FANCA: variants seen among roughly 807,000 people sequenced by gnomAD.
FANCA encodes Fanconi anemia group A protein.
FANCA carries 236 observed loss-of-function variants against 194.3 expected under a neutral mutation model. The ratio of observed to expected loss-of-function variants is 1.21; its 90% confidence interval spans 1.09 to 1.35. FANCA has a LOEUF of 1.35. Ranked by LOEUF, FANCA falls within the 40% of genes most tolerant of loss-of-function variation. The pLI is 0.00. For missense variants in FANCA, 2,628 were observed against 1,813.9 expected (o/e 1.45, Z -8.15); for synonymous variants, 1,014 against 715.8 (o/e 1.42, Z -6.65).
chr16:89,748,333 G>A (rs2038462080), intron 33 of FANCA, among the ~76,000 whole-genome samples: 1 of 152,220 alleles, frequency 6.6e-6, no homozygotes, highest in Non-Finnish European at 1.5e-5. Flanking sequence ...AGCATGTTGA[G>A]ATTAGAAATA....
Position 89,792,069 on chromosome 16 carries a change from C to G in FANCA, c.1084-1G>C, listed in dbSNP as rs2040094761. 1.2e-6 allele frequency: 2 copies of G among 1,614,094 alleles called. No individual in the cohort carries two copies. The highest frequency in any genetic ancestry group is 1.3e-5 in the African/African-American group (1 of 74,934). On this transcript the variant is annotated splice_acceptor_variant, in intron 12 of 42. Transcript: ENST00000389301. LOFTEE classifies it high-confidence loss of function. ...CCTCTGCACTCAGCATCACAAAGAGCTGAAATAAAAGCATCCGCTCCCTTC... is the reference window on the plus strand; with the variant it reads ...CCTCTGCACTCAGCATCACAAAGAGGTGAAATAAAAGCATCCGCTCCCTTC...
intron 23 of FANCA, 86 bp downstream of exon 23, chr16:89,771,592 T>C (rs2039327412): frequency 6.7e-6 from 10 of 1,500,300 alleles, no homozygotes; most frequent in South Asian, 1.2e-5. Flanking sequence ...CAAACAGAAA[T>C]TGAGAGAAGG....
chr16:89,746,552 A>G (rs1304668015), intron 35 of FANCA, 32 bp downstream of exon 35: 1 of 1,594,426 alleles, frequency 6.3e-7, no homozygotes, highest in Non-Finnish European at 8.6e-7. Context: ...CTCATCCCCA[A>G]AACAAAACAC....
chr16:89,815,035 C>A lies in FANCA; in HGVS notation c.190-422G>T, dbSNP rs115137442. ...GTGTAAGTAATGCTTCCCTACTGGG[C>A]TATTTTCCTTTTTTTCTTTTTTGAG... On this transcript the variant is annotated intron_variant, in intron 2 of 42. Coordinates refer to ENST00000389301, the MANE Select transcript of FANCA (RefSeq NM_000135.4). Among the ~76,000 whole-genome samples, 1,380 of 152,176 alleles carry A rather than the reference C, an allele frequency of 9.1e-3. 13 individuals are homozygous for A. The highest frequency in any genetic ancestry group is 0.026 in the African/African-American group (1,088 of 41,512).
At chr16:89,780,981 T>C (rs918043377) in intron 17 of FANCA, among the ~76,000 whole-genome samples, 2 of 149,876 alleles carry the variant, frequency 1.3e-5, no homozygotes, top group African/African-American at 4.9e-5. Context: ...AAATGGAAAA[T>C]TATATTAAAT....
In FANCA at chr16:89,745,818, G is replaced by T. The variant is rs558721601; in HGVS notation, c.3514-747C>A. Among the ~76,000 whole-genome samples, 50 of 152,158 alleles carry T rather than the reference G, an allele frequency of 3.3e-4. 1 individual carries two copies. Among genetic ancestry groups the T allele is most frequent in the African/African-American group, 1.2e-3 (49 of 41,452 alleles). On this transcript the variant is annotated intron_variant, in intron 35 of 42. Coordinates refer to ENST00000389301, the MANE Select transcript of FANCA (RefSeq NM_000135.4). Reference sequence around the variant, plus strand: ...TCTGAGCTGGGAACGAAACAGTGAAGAGACCACACTGCCCTGAGCTGGGAA... The same window carrying T: ...TCTGAGCTGGGAACGAAACAGTGAATAGACCACACTGCCCTGAGCTGGGAA...
chr16:89,782,286 C>A (rs145682833), intron 17 of FANCA, among the ~76,000 whole-genome samples: 1 of 151,376 alleles, frequency 6.6e-6, no homozygotes, highest in South Asian at 2.1e-4. Flanking sequence ...CCAAGGCGGG[C>A]GGATCACAAG....
At chr16:89,811,620 A>G (rs1464624468) in intron 3 of FANCA, among the ~76,000 whole-genome samples, 5 of 152,308 alleles carry the variant, frequency 3.3e-5, no homozygotes, top group Non-Finnish European at 2.9e-5. Context: ...CATTCTCCTG[A>G]GCAACCAGCC....
chr16:89,761,870 C>T lies in FANCA; in HGVS notation c.2852+79G>A, dbSNP rs184281478. The T allele has an allele frequency of 2.2e-4, 256 of 1,144,232 alleles. 1 individual carries two copies. The Admixed American group carries it at 4.1e-3, about 19-fold the overall frequency. The allele number at this position is 1,144,232 out of a possible 1,614,324, so 70.9% of individuals were successfully genotyped here. On this transcript the variant is annotated intron_variant, in intron 29 of 42. Transcript: ENST00000389301. Reference sequence around the variant, plus strand: ...CAAACTCCTGGATTCAAGAGATCTCCTGCCTCAGCCTCCCAAAGTGCTGGG... The same window carrying T: ...CAAACTCCTGGATTCAAGAGATCTCTTGCCTCAGCCTCCCAAAGTGCTGGG...
chr16:89,806,017 A>T (rs998997631), intron 6 of FANCA, among the ~76,000 whole-genome samples: 1 of 152,012 alleles, frequency 6.6e-6, no homozygotes, highest in African/African-American at 2.4e-5. Context: ...AGTTCAAGCG[A>T]TTCTCCTGCC....
intron 21 of FANCA, among the ~76,000 whole-genome samples, chr16:89,774,304 C>T (rs564207197): frequency 3.3e-5 from 5 of 152,198 alleles, no homozygotes; most frequent in Middle Eastern, 3.4e-3. Context: ...AAGCTACGAA[C>T]AAGTGGACCC....
At chr16:89,786,873 G>C (rs1411215238) in intron 14 of FANCA, among the ~76,000 whole-genome samples, 3 of 152,150 alleles carry the variant, frequency 2.0e-5, no homozygotes, top group Admixed American at 2.0e-4. Context: ...GTTTCAACCT[G>C]AAATTCTCCC....
In FANCA at chr16:89,738,146, C is replaced by A; in HGVS notation, c.*455G>T. The A allele has an allele frequency of 6.2e-7, 1 of 1,613,620 alleles. No homozygotes were observed. The highest frequency in any genetic ancestry group is 8.5e-7 in the Non-Finnish European group (1 of 1,180,002). On this transcript the variant is annotated 3_prime_UTR_variant, in exon 43 of 43. Transcript: ENST00000389301. ...TCCATGGTGCACCCGCTGACACAGACCCAGGACAAGGCCCTGCCCCTGGAG... is the reference window on the plus strand; with the variant it reads ...TCCATGGTGCACCCGCTGACACAGAACCAGGACAAGGCCCTGCCCCTGGAG...
intron 30 of FANCA, among the ~76,000 whole-genome samples, chr16:89,757,607 A>G (rs368965539): frequency 3.9e-5 from 6 of 152,204 alleles, no homozygotes; most frequent in African/African-American, 1.4e-4. Flanking sequence ...AGCTGCATAC[A>G]CACTTGCCAT....
chr16:89,779,452 C>T (rs1029578681), intron 18 of FANCA, among the ~76,000 whole-genome samples: 17 of 151,814 alleles, frequency 1.1e-4, no homozygotes, highest in African/African-American at 4.1e-4. Flanking sequence ...ACAAAGAAGG[C>T]ATTGATAAAA....
intron 11 of FANCA, among the ~76,000 whole-genome samples, chr16:89,795,621 G>A (rs759383642): frequency 1.3e-5 from 2 of 152,222 alleles, no homozygotes; most frequent in Non-Finnish European, 2.9e-5. Context: ...ATGGGCAAGT[G>A]AGTGAGACTC....
chr16:89,802,392 G>T (rs1304470001), intron 8 of FANCA, among the ~76,000 whole-genome samples: 1 of 150,798 alleles, frequency 6.6e-6, no homozygotes, highest in East Asian at 2.0e-4. Context: ...ATGAGCCATT[G>T]AGCCCAACCT....
At chr16:89,764,834 A>G (rs561460368) in intron 28 of FANCA, 56 bp downstream of exon 28, 1 of 1,594,922 alleles carries the variant, frequency 6.3e-7, no homozygotes, top group African/African-American at 1.3e-5. Context: ...CGAGGAGCAC[A>G]CACAAACCCT....
At chr16:89,804,563 G>A (rs1452966355) in intron 7 of FANCA, among the ~76,000 whole-genome samples, 1 of 152,036 alleles carries the variant, frequency 6.6e-6, no homozygotes, top group Admixed American at 6.6e-5. Context: ...TCTGGTCCGA[G>A]CCATCCTCTG....
Sources: gnomAD v4.1 joint callset for allele counts (sites outside exome capture counted in the v4.1 genomes callset) on GRCh38, gnomAD v4.1.1 for gene constraint, MANE v1.5 for transcripts, NCBI Gene and HGNC (gene_info 2026-07-23, HGNC 2026-07-21) for gene names.